SPARC: variants seen among roughly 807,000 people sequenced by gnomAD.
SPARC encodes secreted protein acidic and cysteine rich.
In SPARC, 23 loss-of-function variants were observed where a neutral mutation model predicts 37.7. The ratio of observed to expected loss-of-function variants is 0.61; its 90% confidence interval spans 0.44 to 0.87. The LOEUF (loss-of-function observed/expected upper bound fraction) is 0.87. Ranked by LOEUF, SPARC falls within the 40% of genes least tolerant of loss-of-function variation. The probability of loss-of-function intolerance (pLI) is 0.00; values close to 1 mark genes in which losing one functional copy is unlikely to be tolerated. For missense variants in SPARC, 312 were observed against 389.0 expected (o/e 0.80, Z 1.66); for synonymous variants, 155 against 150.8 (o/e 1.03, Z -0.20).
In SPARC at chr5:151,661,871, G is replaced by A. The variant is rs980147215; in HGVS notation, c.*1700C>T. The A allele has an allele frequency of 2.6e-5, 4 of 152,144 alleles. No homozygotes were observed. The highest frequency in any genetic ancestry group is 2.1e-4 in the South Asian group (1 of 4,828). The allele number at this position is 152,144 out of a possible 1,614,324, so 9.4% of individuals were successfully genotyped here. A position where few individuals can be genotyped will look rare whatever the true frequency, so the allele number is the denominator to read the frequency against. ...AAGTTACATGTGGGTAGTGGCTGCC[G>A]TACGGAACAGTACAGCACTAGAATA... On this transcript the variant is annotated 3_prime_UTR_variant, in exon 10 of 10. Transcript: ENST00000231061.
Position 151,663,316 on chromosome 5 carries a change from G to C in SPARC, c.*255C>G. 1.9e-6 allele frequency: 1 copy of C among 515,662 alleles called. No individual in the cohort carries two copies. The highest frequency in any genetic ancestry group is 3.5e-6 in the Non-Finnish European group (1 of 289,652). The allele number at this position is 515,662 out of a possible 1,614,324, so 31.9% of individuals were successfully genotyped here. A position where few individuals can be genotyped will look rare whatever the true frequency, so the allele number is the denominator to read the frequency against. ...CCACCCATGTGCCAATAAGACAATG[G>C]GCAAAGCTACAAATGGCAAGAGAAA... is the stretch of plus-strand genomic sequence containing the variant. On this transcript the variant is annotated 3_prime_UTR_variant, in exon 10 of 10. Transcript: ENST00000231061.
At chr5:151,674,995 T>C (rs932900771) in intron 2 of SPARC, among the ~76,000 whole-genome samples, 1 of 152,234 alleles carries the variant, frequency 6.6e-6, no homozygotes, top group Non-Finnish European at 1.5e-5. Flanking sequence ...GACCAATTCT[T>C]TCACTTTACA....
Position 151,661,171 on chromosome 5 carries a change from G to T in SPARC, c.*2400C>A, listed in dbSNP as rs1760491869. ...GAAACAGTATTGCAAATTTATGTGT[G>T]GTCTGCCTGCTAGAATGTTAGAAAG... On this transcript the variant is annotated 3_prime_UTR_variant, in exon 10 of 10. Coordinates refer to ENST00000231061, the MANE Select transcript of SPARC (RefSeq NM_003118.4). 6.6e-6 allele frequency: 1 copy of T among 152,176 alleles called. No individual in the cohort carries two copies. The highest frequency in any genetic ancestry group is 2.4e-5 in the African/African-American group (1 of 41,444). 9.4% of individuals were successfully genotyped at this position (152,176 alleles called of 1,614,324 possible).
At chr5:151,674,785 T>A in intron 2 of SPARC, 111 bp from the exon 3 acceptor site, 1 of 998,174 alleles carries the variant, frequency 1.0e-6, no homozygotes, top group Non-Finnish European at 1.5e-6. Context: ...AGCAGCTTAC[T>A]GGAGATCCCC....
intron 1 of SPARC, among the ~76,000 whole-genome samples, chr5:151,682,311 G>A (rs557579512): frequency 4.7e-4 from 72 of 152,350 alleles, no homozygotes; most frequent in African/African-American, 1.6e-3. Flanking sequence ...ACTGTGGCTA[G>A]CAGAGGCTGG....
chr5:151,669,582 T>C, intron 6 of SPARC, 82 bp downstream of exon 6: 1 of 1,490,448 alleles, frequency 6.7e-7, no homozygotes, highest in Non-Finnish European at 9.2e-7. Context: ...TCACCCAGCA[T>C]GGGGGTGGCA....
In SPARC at chr5:151,669,716, C is replaced by G; in HGVS notation, c.399G>C (p.Glu133Asp). Reference sequence around the variant, plus strand: ...GGAGCTTGTGGCCCTTCTTGGTGCCCTCCAGGGTGCACTTTGTGGCAAAGA... The same window carrying G: ...GGAGCTTGTGGCCCTTCTTGGTGCCGTCCAGGGTGCACTTTGTGGCAAAGA... The part of the protein sequence containing the change: ...CHFFATKCTL[E>D]GTKKGHKLHL... The change falls in exon 6 of 10, where the codon GAG (glutamate) becomes GAC (aspartate). Residue 133 changes from glutamate (E) to aspartate (D), a missense_variant. Transcript: ENST00000231061. The G allele has an allele frequency of 1.2e-6, 2 of 1,614,166 alleles. No individual in the cohort carries two copies. Among genetic ancestry groups the G allele is most frequent in the Non-Finnish European group, 1.7e-6 (2 of 1,180,030 alleles).
At chr5:151,675,842 T>C (rs1298618048) in intron 2 of SPARC, among the ~76,000 whole-genome samples, 1 of 152,152 alleles carries the variant, frequency 6.6e-6, no homozygotes, top group Non-Finnish European at 1.5e-5. Flanking sequence ...ATTCCTCATA[T>C]GACAAAGAGG....
At chr5:151,678,579 G>C (rs1760914484) in intron 1 of SPARC, among the ~76,000 whole-genome samples, 1 of 152,146 alleles carries the variant, frequency 6.6e-6, no homozygotes, top group Admixed American at 6.5e-5. Flanking sequence ...TGTCCTAATG[G>C]GGAATCTGAG....
chr5:151,665,315 CT>C (rs767326483), intron 8 of SPARC, among the ~76,000 whole-genome samples: 18 of 152,166 alleles, frequency 1.2e-4, no homozygotes, highest in Non-Finnish European at 2.2e-4. Flanking sequence ...TCCCCTTTGA[CT>C]TTTCCCCTCC....
intron 1 of SPARC, among the ~76,000 whole-genome samples, chr5:151,684,895 G>C (rs1006435329): frequency 6.6e-6 from 1 of 152,170 alleles, no homozygotes; most frequent in African/African-American, 2.4e-5. Flanking sequence ...CCCTTGCAAG[G>C]AGATTATCAT....
chr5:151,675,719 C>T (rs1456971557), intron 2 of SPARC, among the ~76,000 whole-genome samples: 1 of 152,134 alleles, frequency 6.6e-6, no homozygotes. Flanking sequence ...TTGCTTACAA[C>T]CAAACAACCC....
intron 1 of SPARC, among the ~76,000 whole-genome samples, chr5:151,685,422 T>TACACACACA (rs1761114202): frequency 7.1e-6 from 1 of 140,432 alleles, no homozygotes; most frequent in Admixed American, 7.2e-5. Context: ...CCTCTCTCTC[T>TACACACACA]CACACACACA....
At chr5:151,664,291 C>G (rs1167682692) in intron 8 of SPARC, 56 bp from the exon 9 acceptor site, 5 of 1,558,638 alleles carry the variant, frequency 3.2e-6, no homozygotes, top group Non-Finnish European at 4.4e-6. Flanking sequence ...CACACCCAGC[C>G]TTGGGAGGCA....
chr5:151,662,345 T>A lies in SPARC; in HGVS notation c.*1226A>T, dbSNP rs1760523934. 1 of 152,660 alleles carries A rather than the reference T, an allele frequency of 6.6e-6. No individual in the cohort carries two copies. The highest frequency in any genetic ancestry group is 1.5e-5 in the Non-Finnish European group (1 of 68,044). The allele number at this position is 152,660 out of a possible 1,614,324, so 9.5% of individuals were successfully genotyped here. The stretch of plus-strand genomic sequence containing the variant: ...ATGTGTTTGCAAAGGTTTGCATTTG[T>A]GTAGTCATGTGTAGACATGTATGCT... On this transcript the variant is annotated 3_prime_UTR_variant, in exon 10 of 10. Transcript: ENST00000231061.
At chr5:151,670,483 T>C (rs6861887) in intron 5 of SPARC, among the ~76,000 whole-genome samples, 1 of 152,208 alleles carries the variant, frequency 6.6e-6, no homozygotes, top group Non-Finnish European at 1.5e-5. Context: ...ATGACCCCTC[T>C]TGGGAGTCAG....
At chr5:151,682,446 G>T (rs1408688268) in intron 1 of SPARC, among the ~76,000 whole-genome samples, 1 of 152,136 alleles carries the variant, frequency 6.6e-6, no homozygotes. Flanking sequence ...AAAAGCCTCC[G>T]AGATCCCAAA....
intron 4 of SPARC, chr5:151,672,828 T>G: frequency 2.5e-6 from 1 of 396,906 alleles, no homozygotes; most frequent in Non-Finnish European, 4.7e-6. Flanking sequence ...TCCGTGGGAC[T>G]GGGAAACTCA....
At chr5:151,685,531 G>A (rs1761119463) in intron 1 of SPARC, among the ~76,000 whole-genome samples, 1 of 151,562 alleles carries the variant, frequency 6.6e-6, no homozygotes, top group Admixed American at 6.6e-5. Context: ...CCCTGGTTAA[G>A]AAATCTTCCT....
Sources: allele counts gnomAD v4.1 joint callset (sites outside exome capture counted in the v4.1 genomes callset), GRCh38; gene constraint gnomAD v4.1.1; transcripts MANE v1.5; gene names NCBI Gene and HGNC (gene_info 2026-07-23, HGNC 2026-07-21).